GLIS3: variants seen among roughly 807,000 people sequenced by gnomAD.
GLIS3 encodes the protein zinc finger protein GLIS3.
GLIS3 carries 53 observed loss-of-function variants against 78.6 expected under a neutral mutation model. That is an observed-to-expected ratio of 0.67 (90% CI 0.54 to 0.85). The LOEUF (loss-of-function observed/expected upper bound fraction) is 0.85, where lower values mean the gene tolerates loss of function less well. Ranked by LOEUF, GLIS3 falls within the 40% of genes least tolerant of loss-of-function variation. The pLI, the probability that GLIS3 is intolerant of heterozygous loss-of-function variation, is 0.00. For synonymous variants in GLIS3, 684 were observed against 509.9 expected, an observed-to-expected ratio of 1.34 and a Z score of -4.60; for missense variants, 1,703 against 1,231.1, an observed-to-expected ratio of 1.38 and a Z score of -5.74.
intron 4 of GLIS3, among the ~76,000 whole-genome samples, chr9:4,046,801 G>C (rs1341551837): frequency 6.6e-6 from 1 of 152,156 alleles, no homozygotes; most frequent in Non-Finnish European, 1.5e-5. Flanking sequence ...GGCAAGTATG[G>C]GTTGAGAGAC....
chr9:4,009,873 C>T (rs1054402682), intron 4 of GLIS3, among the ~76,000 whole-genome samples: 1 of 152,154 alleles, frequency 6.6e-6, no homozygotes, highest in Non-Finnish European at 1.5e-5. Context: ...GGTCTGGCCG[C>T]CCCGGTCATA....
the GLIS3 span, among the ~76,000 whole-genome samples, chr9:4,435,970 A>AAAC: frequency 3.9e-5 from 6 of 152,174 alleles, no homozygotes; most frequent in South Asian, 1.2e-3. Context: ...AAACAAAACA[A>AAAC]AACAAAAACA....
chr9:4,361,739 G>A, the GLIS3 span, among the ~76,000 whole-genome samples: 2 of 152,262 alleles, frequency 1.3e-5, no homozygotes, highest in Middle Eastern at 3.4e-3. Context: ...AGTCAGTGAA[G>A]GCTCCTAACC....
At chr9:4,427,724 T>C in the GLIS3 span, among the ~76,000 whole-genome samples, 2 of 151,984 alleles carry the variant, frequency 1.3e-5, no homozygotes, top group East Asian at 1.9e-4. Flanking sequence ...CCAGGTGTGG[T>C]GGTGTGCACC....
intron 4 of GLIS3, among the ~76,000 whole-genome samples, chr9:3,949,176 CTT>C (rs566858706): frequency 6.6e-6 from 1 of 152,162 alleles, no homozygotes; most frequent in African/African-American, 2.4e-5. Flanking sequence ...TGCTCTCTTT[CTT>C]TTTTTCTCTT....
rs377742415 is a variant in GLIS3 at position 4,286,224 on chromosome 9, T to C, written c.202A>G (p.Met68Val). 3.1e-6 allele frequency: 5 copies of C among 1,614,068 alleles called. No individual in the cohort carries two copies. Among genetic ancestry groups the C allele is most frequent in the Admixed American group, 1.7e-5 (1 of 60,008 alleles). The change falls in exon 2 of 11, where the codon ATG becomes GTG. Residue 68 changes from methionine (M) to valine (V), a missense_variant. Coordinates refer to ENST00000381971, the MANE Select transcript of GLIS3 (RefSeq NM_001042413.2). ...TCAGCCACGTTGTTCTGAGGAGCCA[T>C]CCCTCCTCCTGAGGGCATCTTGAGA... is the stretch of plus-strand genomic sequence containing the variant. ...LHLKMPSGGG[M>V]APQNNVAESR...
Position 4,273,516 on chromosome 9 carries a change from C to G in GLIS3, c.388+12522G>C, listed in dbSNP as rs139479041. On this transcript the variant is annotated intron_variant, in intron 2 of 10. Transcript: ENST00000381971. ...GCTGAGGTGGAATCATCACTTGAGC[C>G]CAGGAGTTTGAGGCTGCAGTGAGCT... Among the ~76,000 whole-genome samples, 3 of 151,978 alleles carry G rather than the reference C, an allele frequency of 2.0e-5. No individual in the cohort carries two copies. The East Asian group carries it at 5.8e-4, about 29-fold the overall frequency.
the GLIS3 span, among the ~76,000 whole-genome samples, chr9:4,360,214 G>A: frequency 2.0e-5 from 3 of 152,144 alleles, no homozygotes; most frequent in Admixed American, 2.0e-4. Context: ...ACCCACCTGT[G>A]GCTTTTAGTC....
chr9:4,201,625 C>T (rs949611814), intron 2 of GLIS3, among the ~76,000 whole-genome samples: 2 of 151,980 alleles, frequency 1.3e-5, no homozygotes, highest in African/African-American at 4.8e-5. Flanking sequence ...TAGAGCTAAC[C>T]AGGGAGCTAA....
intron 6 of GLIS3, among the ~76,000 whole-genome samples, chr9:3,902,308 C>T (rs1291266791): frequency 6.6e-6 from 1 of 152,136 alleles, no homozygotes; most frequent in African/African-American, 2.4e-5. Flanking sequence ...GTGTCCCTCA[C>T]AGATCTTCAG....
At chr9:4,148,119 G>C (rs1265434514) in intron 2 of GLIS3, among the ~76,000 whole-genome samples, 3 of 152,012 alleles carry the variant, frequency 2.0e-5, no homozygotes, top group Admixed American at 2.0e-4. Context: ...CTACACAAAG[G>C]AGTTAACATT....
intron 4 of GLIS3, among the ~76,000 whole-genome samples, chr9:3,976,939 C>T (rs1200148900): frequency 6.7e-6 from 1 of 149,854 alleles, no homozygotes; most frequent in Non-Finnish European, 1.5e-5. Context: ...TTTAATCGCC[C>T]AGCAATGCCT....
chr9:4,229,314 G>A (rs7861320), intron 2 of GLIS3, among the ~76,000 whole-genome samples: 7,020 of 152,212 alleles, frequency 0.046, 532 homozygotes, highest in African/African-American at 0.16. Flanking sequence ...AAGAATAATT[G>A]TTTTAAAGAT....
chr9:4,248,615 T>C (rs577853455), intron 2 of GLIS3, among the ~76,000 whole-genome samples: 1 of 152,348 alleles, frequency 6.6e-6, no homozygotes, highest in South Asian at 2.1e-4. Flanking sequence ...AGTAGTGGGA[T>C]TGCTGGGTCA....
At chr9:3,868,584 G>T (rs1253480306) in intron 8 of GLIS3, among the ~76,000 whole-genome samples, 2 of 152,146 alleles carry the variant, frequency 1.3e-5, no homozygotes, top group East Asian at 3.9e-4. Flanking sequence ...TCAATTCTTT[G>T]TCTTTTTTCT....
intron 2 of GLIS3, among the ~76,000 whole-genome samples, chr9:4,243,396 A>ACG (rs148212662): frequency 0.75 from 110,945 of 147,400 alleles, 42,223 homozygotes; most frequent in East Asian, 0.95. Context: ...GCACACATAC[A>ACG]CGCACACACA....
At chr9:4,130,314 AG>A (rs1832882664) in intron 2 of GLIS3, among the ~76,000 whole-genome samples, 1 of 152,380 alleles carries the variant, frequency 6.6e-6, no homozygotes, top group East Asian at 1.9e-4. Flanking sequence ...AATTTGCATA[AG>A]TAAAGACAAG....
At chr9:4,434,049 T>C in the GLIS3 span, among the ~76,000 whole-genome samples, 1 of 150,498 alleles carries the variant, frequency 6.6e-6, no homozygotes, top group South Asian at 2.1e-4. Context: ...TGAGCCGAGA[T>C]TGCGCCACCA....
At chr9:4,267,163 C>A (rs1826092155) in intron 2 of GLIS3, among the ~76,000 whole-genome samples, 1 of 152,148 alleles carries the variant, frequency 6.6e-6, no homozygotes, top group African/African-American at 2.4e-5. Context: ...ATGTCCCCTT[C>A]CTTAACCTTA....
Sources: allele counts gnomAD v4.1 joint callset (sites outside exome capture counted in the v4.1 genomes callset), GRCh38; gene constraint gnomAD v4.1.1; transcripts MANE v1.5; gene names NCBI Gene and HGNC (gene_info 2026-07-23, HGNC 2026-07-21).